KHDRBS2: variants seen among roughly 807,000 people sequenced by gnomAD.
KHDRBS2 encodes the protein KH domain-containing, RNA-binding, signal transduction-associated protein 2.
Under a neutral mutation model 44.3 loss-of-function variants are expected in KHDRBS2, and 26 were observed. The observed-to-expected ratio is 0.59, with a 90% CI of 0.43 to 0.81. The LOEUF (loss-of-function observed/expected upper bound fraction) is 0.81, where lower values mean the gene tolerates loss of function less well. KHDRBS2 is among the 40% of genes least tolerant of loss of function. KHDRBS2 has a pLI of 0.00. For synonymous variants in KHDRBS2, 194 were observed against 151.1 expected (o/e 1.28, Z -2.08); for missense variants, 476 against 433.1 (o/e 1.10, Z -0.88).
intron 6 of KHDRBS2, among the ~76,000 whole-genome samples, chr6:61,756,372 TGCCTCA>T (rs1235715125): frequency 1.3e-5 from 2 of 152,092 alleles, no homozygotes; most frequent in Non-Finnish European, 2.9e-5. Flanking sequence ...TCGATTCTCC[TGCCTCA>T]GCCTCCCGAG....
chr6:61,914,484 G>T (rs968028858), intron 4 of KHDRBS2, among the ~76,000 whole-genome samples: 7 of 138,174 alleles, frequency 5.1e-5, no homozygotes, highest in African/African-American at 1.9e-4. Flanking sequence ...ACAGGAAGGG[G>T]AACATCACAC....
intron 8 of KHDRBS2, among the ~76,000 whole-genome samples, chr6:61,683,842 T>C (rs1051003907): frequency 6.6e-6 from 1 of 151,892 alleles, no homozygotes; most frequent in Non-Finnish European, 1.5e-5. Context: ...ATGGAAATTA[T>C]TGTTAGTTCA....
At chr6:61,679,791 G>A (rs1294222862), downstream of KHDRBS2, among the ~76,000 whole-genome samples, 1 of 151,920 alleles carries the variant, frequency 6.6e-6, no homozygotes, top group Non-Finnish European at 1.5e-5. Flanking sequence ...CTTACATGTT[G>A]GATGGGATAT....
chr6:61,698,072 C>T lies in KHDRBS2; in HGVS notation c.894-819G>A, dbSNP rs1298598703. Among the ~76,000 whole-genome samples, 4 of 152,308 alleles carry T rather than the reference C, an allele frequency of 2.6e-5. No homozygotes were observed. In the East Asian group the frequency reaches 5.8e-4, roughly 22 times the overall value. On this transcript the variant is annotated intron_variant, in intron 7 of 8. Transcript: ENST00000281156. ...TGAAGACAATCAGGCTGTCGTTCCA[C>T]TGCTCCACTGAAACAGCTCTTGACA...
At chr6:62,179,036 T>A (rs1229214597) in intron 1 of KHDRBS2, among the ~76,000 whole-genome samples, 1 of 151,666 alleles carries the variant, frequency 6.6e-6, no homozygotes, top group African/African-American at 2.4e-5. Flanking sequence ...TGTTATTCTA[T>A]CTTTAACTAA....
intron 1 of KHDRBS2, among the ~76,000 whole-genome samples, chr6:62,204,283 T>A (rs1028732680): frequency 6.6e-6 from 1 of 152,202 alleles, no homozygotes; most frequent in Non-Finnish European, 1.5e-5. Flanking sequence ...TGGAATGCAC[T>A]GCAATATGTC....
intron 4 of KHDRBS2, among the ~76,000 whole-genome samples, chr6:61,949,425 C>T (rs1010329970): frequency 6.6e-6 from 1 of 151,984 alleles, no homozygotes; most frequent in African/African-American, 2.4e-5. Flanking sequence ...GACATTGTCT[C>T]AAGAGAGATG....
chr6:61,742,991 A>G (rs1776359724), intron 6 of KHDRBS2, among the ~76,000 whole-genome samples: 1 of 152,128 alleles, frequency 6.6e-6, no homozygotes, highest in Non-Finnish European at 1.5e-5. Flanking sequence ...CCAAGGAACT[A>G]TAAGACATTC....
intron 1 of KHDRBS2, among the ~76,000 whole-genome samples, chr6:62,196,960 C>G (rs1006447503): frequency 6.6e-6 from 1 of 152,014 alleles, no homozygotes; most frequent in Non-Finnish European, 1.5e-5. Context: ...AGGTCCAGTA[C>G]TATGTCGTTC....
At chr6:62,004,519 T>C (rs1778865730) in intron 3 of KHDRBS2, among the ~76,000 whole-genome samples, 1 of 152,084 alleles carries the variant, frequency 6.6e-6, no homozygotes, top group African/African-American at 2.4e-5. Flanking sequence ...CAATAATTAA[T>C]AGTCTTCCAA....
chr6:61,660,606 C>T, the KHDRBS2 span, among the ~76,000 whole-genome samples: 6 of 151,708 alleles, frequency 4.0e-5, no homozygotes, highest in Non-Finnish European at 7.4e-5. Flanking sequence ...ATCAGCCATA[C>T]GTTTATTTCT....
At chr6:61,831,215 A>G (rs1401567973) in intron 6 of KHDRBS2, among the ~76,000 whole-genome samples, 1 of 152,122 alleles carries the variant, frequency 6.6e-6, no homozygotes. Flanking sequence ...AGAGCTTTAA[A>G]GGACATTTCA....
At chr6:61,693,620 C>T (rs1354268223) in intron 8 of KHDRBS2, among the ~76,000 whole-genome samples, 1 of 152,100 alleles carries the variant, frequency 6.6e-6, no homozygotes, top group Non-Finnish European at 1.5e-5. Context: ...ACAGTAAAAT[C>T]CCTTTCTACA....
chr6:61,759,779 A>G (rs1239077252), intron 6 of KHDRBS2, among the ~76,000 whole-genome samples: 1 of 152,370 alleles, frequency 6.6e-6, no homozygotes. Context: ...TCATAATAGT[A>G]GTAGGATTTG....
At chr6:62,210,274 C>T (rs1358616964) in intron 1 of KHDRBS2, among the ~76,000 whole-genome samples, 3 of 149,838 alleles carry the variant, frequency 2.0e-5, no homozygotes, top group Non-Finnish European at 4.4e-5. Context: ...ATTTCTGACA[C>T]TTAACACATA....
At chr6:61,708,769 T>A (rs1224218724) in intron 7 of KHDRBS2, among the ~76,000 whole-genome samples, 1 of 151,592 alleles carries the variant, frequency 6.6e-6, no homozygotes, top group Non-Finnish European at 1.5e-5. Context: ...TTCTGACTGG[T>A]TTGTTTTGAG....
intron 8 of KHDRBS2, among the ~76,000 whole-genome samples, chr6:61,695,209 C>G (rs1767772283): frequency 1.5e-5 from 2 of 135,684 alleles, no homozygotes; most frequent in Admixed American, 1.6e-4. Flanking sequence ...GAACCCTGCT[C>G]CCACCTCCTG....
intron 4 of KHDRBS2, among the ~76,000 whole-genome samples, chr6:61,932,267 A>C (rs1489498847): frequency 6.6e-6 from 1 of 152,210 alleles, no homozygotes; most frequent in Non-Finnish European, 1.5e-5. Flanking sequence ...GTTAGTTTAC[A>C]TAGTTATAAT....
At chr6:62,165,877 C>T (rs189007959) in intron 2 of KHDRBS2, among the ~76,000 whole-genome samples, 123 of 152,042 alleles carry the variant, frequency 8.1e-4, no homozygotes, top group Non-Finnish European at 1.4e-3. Flanking sequence ...GCATTAAGTA[C>T]ATTCACAATG....
Sources: allele counts gnomAD v4.1 joint callset (sites outside exome capture counted in the v4.1 genomes callset), GRCh38; gene constraint gnomAD v4.1.1; transcripts MANE v1.5; gene names NCBI Gene and HGNC (gene_info 2026-07-23, HGNC 2026-07-21).